The following ERBB4 variants were observed in gnomAD, a reference collection of about 807,000 sequenced individuals.
ERBB4 encodes the protein erb-b2 receptor tyrosine kinase 4.
In ERBB4, 42 loss-of-function variants were observed where a neutral mutation model predicts 158.0. That is an observed-to-expected ratio of 0.27 (90% CI 0.21 to 0.34). The LOEUF is 0.34. Ranked by LOEUF, ERBB4 falls within the 10% of genes least tolerant of loss-of-function variation. The pLI is 1.00. For missense variants in ERBB4, 1,333 were observed against 1,624.1 expected (o/e 0.82, Z 3.08); for synonymous variants, 583 against 558.7 (o/e 1.04, Z -0.61).
At chr2:211,813,372 C>T (rs2076803718) in intron 3 of ERBB4, among the ~76,000 whole-genome samples, 1 of 152,114 alleles carries the variant, frequency 6.6e-6, no homozygotes, top group Admixed American at 6.6e-5. Flanking sequence ...GAGACCTCTA[C>T]AATAATGAAT....
In ERBB4 at chr2:212,510,517, T is replaced by C. The variant is rs183249659; in HGVS notation, c.82+27932A>G. ...GTTTTCCATAATCCAATGATATGATTTTACTGGGCATTTAAAAAGTTATAG... is the reference window on the plus strand; with the variant it reads ...GTTTTCCATAATCCAATGATATGATCTTACTGGGCATTTAAAAAGTTATAG... On this transcript the variant is annotated intron_variant, in intron 1 of 27. Coordinates refer to ENST00000342788, the MANE Select transcript of ERBB4 (RefSeq NM_005235.3). 7.8e-4 allele frequency among the ~76,000 whole-genome samples: 119 copies of C among 152,034 alleles called. 1 individual carries two copies. Among genetic ancestry groups the C allele is most frequent in the Non-Finnish European group, 1.5e-3 (102 of 67,854 alleles).
At chr2:211,549,685 C>G (rs1200482250) in intron 20 of ERBB4, among the ~76,000 whole-genome samples, 1 of 152,112 alleles carries the variant, frequency 6.6e-6, no homozygotes, top group African/African-American at 2.4e-5. Context: ...AGACCACCAG[C>G]AGATTTCAGA....
intron 1 of ERBB4, among the ~76,000 whole-genome samples, chr2:212,508,269 C>T (rs1691305198): frequency 6.6e-6 from 1 of 152,076 alleles, no homozygotes; most frequent in Admixed American, 6.6e-5. Flanking sequence ...TGATACTCAG[C>T]TTATTGTGGT....
intron 1 of ERBB4, among the ~76,000 whole-genome samples, chr2:212,224,415 T>C (rs955414520): frequency 1.3e-5 from 2 of 151,932 alleles, no homozygotes; most frequent in Non-Finnish European, 2.9e-5. Context: ...ATTATATTTA[T>C]TTAGGGTGGG....
rs114618019 is a variant in ERBB4 at position 212,310,733 on chromosome 2, C to A, written c.83-185830G>T. Reference sequence around the variant, plus strand: ...GAAAAATATTTTATTTTCCAAAAAACCCAGAAATTTAATGATTGCTATTTT... The same window carrying A: ...GAAAAATATTTTATTTTCCAAAAAAACCAGAAATTTAATGATTGCTATTTT... On this transcript the variant is annotated intron_variant, in intron 1 of 27. Coordinates refer to ENST00000342788, the MANE Select transcript of ERBB4 (RefSeq NM_005235.3). Among the ~76,000 whole-genome samples the A allele has an allele frequency of 6.0e-3, 902 of 149,700 alleles. 1 individual carries two copies. Among genetic ancestry groups the A allele is most frequent in the Non-Finnish European group, 0.01 (672 of 66,840 alleles).
chr2:212,395,542 G>C (rs556051712), intron 1 of ERBB4, among the ~76,000 whole-genome samples: 1 of 150,976 alleles, frequency 6.6e-6, no homozygotes, highest in African/African-American at 2.4e-5. Context: ...ATACCTTTAT[G>C]CTTACCGCTA....
At chr2:211,577,052 A>T (rs573581674) in intron 19 of ERBB4, among the ~76,000 whole-genome samples, 2 of 152,192 alleles carry the variant, frequency 1.3e-5, no homozygotes, top group Non-Finnish European at 1.5e-5. Context: ...TCAGATATAT[A>T]ATGGGAACTA....
Position 211,428,389 on chromosome 2 carries a change from G to A in ERBB4, c.2719+19C>T, listed in dbSNP as rs368328351. On this transcript the variant is annotated intron_variant, in intron 22 of 27. Coordinates refer to ENST00000342788, the MANE Select transcript of ERBB4 (RefSeq NM_005235.3). The stretch of plus-strand genomic sequence containing the variant: ...ATTTTTGCTTTACAAGCTTTAATTC[G>A]CAAAGAAGATTTATTTACCATAGCT... 22 of 1,443,218 alleles carry A rather than the reference G, an allele frequency of 1.5e-5. No individual in the cohort carries two copies. In the South Asian group the frequency reaches 1.9e-4, roughly 13 times the overall value. The allele number at this position is 1,443,218 out of a possible 1,614,324, so 89.4% of individuals were successfully genotyped here.
intron 1 of ERBB4, among the ~76,000 whole-genome samples, chr2:212,463,509 G>T (rs183845425): frequency 6.6e-6 from 1 of 151,730 alleles, no homozygotes; most frequent in East Asian, 1.9e-4. Flanking sequence ...ATGTTTTTCT[G>T]ATTATAAACA....
chr2:212,449,867 A>T (rs770587614), intron 1 of ERBB4, among the ~76,000 whole-genome samples: 1 of 152,140 alleles, frequency 6.6e-6, no homozygotes, highest in Non-Finnish European at 1.5e-5. Flanking sequence ...ATATTAATAC[A>T]GCCAAAATAG....
rs536194350 is a variant in ERBB4, at chr2:212,368,037, A to G, written c.82+170412T>C. On this transcript the variant is annotated intron_variant, in intron 1 of 27. Coordinates refer to ENST00000342788, the MANE Select transcript of ERBB4 (RefSeq NM_005235.3). ...AAACAACGTGGGGATTCCTTAAAGAACTAAAAGTAGAACTACCATTTGATC... is the reference window on the plus strand; with the variant it reads ...AAACAACGTGGGGATTCCTTAAAGAGCTAAAAGTAGAACTACCATTTGATC... 4.6e-5 allele frequency among the ~76,000 whole-genome samples: 7 copies of G among 152,216 alleles called. No individual in the cohort carries two copies. In the South Asian group the frequency reaches 1.5e-3, roughly 32 times the overall value.
chr2:211,996,784 C>A (rs1024278748), intron 2 of ERBB4, among the ~76,000 whole-genome samples: 2 of 152,082 alleles, frequency 1.3e-5, no homozygotes, highest in African/African-American at 2.4e-5. Flanking sequence ...TATTTTGGTG[C>A]CAATGAGTAA....
At chr2:211,650,627 A>G (rs945344308) in intron 16 of ERBB4, among the ~76,000 whole-genome samples, 14 of 152,092 alleles carry the variant, frequency 9.2e-5, no homozygotes, top group African/African-American at 3.4e-4. Flanking sequence ...TTTGTGTAAA[A>G]CTATTACCAA....
intron 25 of ERBB4, among the ~76,000 whole-genome samples, chr2:211,413,365 TAAAA>T (rs1257394173): frequency 3.0e-4 from 23 of 76,226 alleles, no homozygotes; most frequent in East Asian, 6.6e-4. Context: ...AAAAAAAAAA[TAAAA>T]AAACCAAAAA....
In ERBB4 at chr2:212,147,157, A is replaced by ATTTTTTTTTTTTTTT. The variant is rs71397161; in HGVS notation, c.83-22269_83-22255dup. 2.0e-4 allele frequency among the ~76,000 whole-genome samples: 7 copies of ATTTTTTTTTTTTTTT among 34,260 alleles called. 1 individual carries two copies. The highest frequency in any genetic ancestry group is 2.7e-4 in the African/African-American group (2 of 7,432). 22.5% of individuals were successfully genotyped at this position (34,260 alleles called of 152,430 possible). ...AGGGGCATGCCACCATGCCCAGCTA[A>ATTTTTTTTTTTTTTT]TTTTTTTTTTTTTTTTTTTTTTTTT... On this transcript the variant is annotated intron_variant, in intron 1 of 27. Coordinates refer to ENST00000342788, the MANE Select transcript of ERBB4 (RefSeq NM_005235.3).
rs74948834 is a variant in ERBB4 at position 212,086,536 on chromosome 2, C to G, written c.234+38216G>C. ...TCTTTTTGCCTTAGCTTCTTTATGTCTAACTATTTAATTTTATGAATGTGG... is the reference window on the plus strand; with the variant it reads ...TCTTTTTGCCTTAGCTTCTTTATGTGTAACTATTTAATTTTATGAATGTGG... On this transcript the variant is annotated intron_variant, in intron 2 of 27. Coordinates refer to ENST00000342788, the MANE Select transcript of ERBB4 (RefSeq NM_005235.3). Among the ~76,000 whole-genome samples the G allele has an allele frequency of 5.4e-4, 82 of 151,910 alleles. 1 individual carries two copies. In the East Asian group the frequency reaches 0.014, roughly 26 times the overall value.
chr2:211,994,109 T>G (rs2082141050), intron 2 of ERBB4, among the ~76,000 whole-genome samples: 1 of 152,144 alleles, frequency 6.6e-6, no homozygotes, highest in South Asian at 2.1e-4. Flanking sequence ...TATATCTATA[T>G]GTCTATCTAT....
At chr2:211,890,755 C>A (rs1404119543) in intron 3 of ERBB4, among the ~76,000 whole-genome samples, 1 of 129,920 alleles carries the variant, frequency 7.7e-6, no homozygotes, top group Middle Eastern at 3.3e-3. Context: ...GGGTTGCAAT[C>A]CTAGTCTCTG....
At chr2:212,327,570 CCAA>C (rs2087908487) in intron 1 of ERBB4, among the ~76,000 whole-genome samples, 1 of 151,820 alleles carries the variant, frequency 6.6e-6, no homozygotes, top group Admixed American at 6.6e-5. Context: ...GATTCTAAAA[CCAA>C]ACCAAAGTTA....
Sources: gnomAD v4.1 joint callset for allele counts (sites outside exome capture counted in the v4.1 genomes callset) on GRCh38, gnomAD v4.1.1 for gene constraint, MANE v1.5 for transcripts, NCBI Gene and HGNC (gene_info 2026-07-23, HGNC 2026-07-21) for gene names.